FILIP1L: variants seen among roughly 807,000 people sequenced by gnomAD.
FILIP1L encodes the protein filamin A-interacting protein 1-like.
Under a neutral mutation model 96.6 loss-of-function variants are expected in FILIP1L, and 55 were observed. That is an observed-to-expected ratio of 0.57 (90% CI 0.46 to 0.71). FILIP1L has a LOEUF of 0.71. Among genes scored for constraint, FILIP1L ranks in the 30% least tolerant of loss-of-function variants. The pLI, the probability that FILIP1L is intolerant of heterozygous loss-of-function variation, is 0.00. For missense variants in FILIP1L, 1,304 were observed against 1,321.2 expected (o/e 0.99, Z 0.20); for synonymous variants, 467 against 473.9 (o/e 0.99, Z 0.19).
intron 1 of FILIP1L, among the ~76,000 whole-genome samples, chr3:99,994,513 A>C (rs544982886): frequency 6.6e-6 from 1 of 152,352 alleles, no homozygotes; most frequent in South Asian, 2.1e-4. Flanking sequence ...AATTTTTAAA[A>C]ATCAAAATCA....
chr3:99,954,357 T>C (rs1708259962), intron 1 of FILIP1L, among the ~76,000 whole-genome samples: 1 of 152,200 alleles, frequency 6.6e-6, no homozygotes, highest in African/African-American at 2.4e-5. Flanking sequence ...GTATCTCACA[T>C]AATAATCCAG....
chr3:99,855,813 G>C (rs2107541164), intron 4 of FILIP1L, among the ~76,000 whole-genome samples: 1 of 152,282 alleles, frequency 6.6e-6, no homozygotes, highest in South Asian at 2.1e-4. Context: ...CTGGCATCTA[G>C]ATTCTTTCAT....
intron 1 of FILIP1L, among the ~76,000 whole-genome samples, chr3:99,943,994 T>C (rs1401050392): frequency 6.6e-6 from 1 of 152,178 alleles, no homozygotes; most frequent in African/African-American, 2.4e-5. Flanking sequence ...TAGGAACTCA[T>C]AGCTTATCCT....
At chr3:100,021,815 A>T (rs2064822522) in intron 1 of FILIP1L, among the ~76,000 whole-genome samples, 1 of 152,134 alleles carries the variant, frequency 6.6e-6, no homozygotes, top group Non-Finnish European at 1.5e-5. Context: ...ATGATTAAAG[A>T]ATAGATTATA....
chr3:100,054,579 T>C (rs751484725), intron 1 of FILIP1L, among the ~76,000 whole-genome samples: 8 of 152,090 alleles, frequency 5.3e-5, no homozygotes, highest in Non-Finnish European at 1.0e-4. Flanking sequence ...CCTGTTGGCA[T>C]TTGAACTATC....
At chr3:99,903,371 C>A in intron 4 of FILIP1L, among the ~76,000 whole-genome samples, 1 of 152,008 alleles carries the variant, frequency 6.6e-6, no homozygotes, top group Non-Finnish European at 1.5e-5. Flanking sequence ...CCTGCCTCAG[C>A]CTCCTGAGTA....
At chr3:100,061,690 T>TCATTTAACC (rs1322232200) in intron 1 of FILIP1L, among the ~76,000 whole-genome samples, 1 of 152,232 alleles carries the variant, frequency 6.6e-6, no homozygotes, top group Non-Finnish European at 1.5e-5. Flanking sequence ...TTCATTTAAT[T>TCATTTAACC]CATTTAACCC....
At chr3:99,997,658 A>G (rs1378909221) in intron 1 of FILIP1L, among the ~76,000 whole-genome samples, 3 of 152,242 alleles carry the variant, frequency 2.0e-5, no homozygotes, top group African/African-American at 7.2e-5. Context: ...AGAATATTTC[A>G]GTGATCCTTA....
Position 99,850,129 on chromosome 3 carries a change from T to C in FILIP1L, c.1547A>G (p.Asp516Gly), listed in dbSNP as rs1465192027. The C allele has an allele frequency of 6.2e-7, 1 of 1,612,038 alleles. No homozygotes were observed. Among genetic ancestry groups the C allele is most frequent in the African/African-American group, 1.3e-5 (1 of 74,772 alleles). ...TMSEKLKKTE[D>G]KLQAASSQLQ... ...CTGAGAAGAAGCAGCTTGTAATTTA[T>C]CTTCAGTTTTCTTTAATTTTTCACT... Residue 516 changes from aspartate (D) to glycine (G), a missense_variant, in exon 5 of 6, where the codon GAT becomes GGT. Coordinates refer to ENST00000477258, the MANE Select transcript of FILIP1L (RefSeq NM_001387850.1).
intron 1 of FILIP1L, among the ~76,000 whole-genome samples, chr3:100,026,671 C>A (rs756599651): frequency 6.6e-6 from 1 of 152,124 alleles, no homozygotes; most frequent in Non-Finnish European, 1.5e-5. Flanking sequence ...ATCAGGAAAT[C>A]CTGTTGGCTC....
chr3:100,084,680 C>T (rs890772019), intron 1 of FILIP1L, among the ~76,000 whole-genome samples: 2 of 152,140 alleles, frequency 1.3e-5, no homozygotes, highest in African/African-American at 4.8e-5. Flanking sequence ...TTGTCACTTA[C>T]GTATAAACAT....
chr3:99,968,669 A>C (rs1559707622), intron 1 of FILIP1L, among the ~76,000 whole-genome samples: 1 of 152,220 alleles, frequency 6.6e-6, no homozygotes, highest in African/African-American at 2.4e-5. Flanking sequence ...AGAAGCAAAC[A>C]AAAGACAAGG....
chr3:99,918,109 C>G (rs1278965272), intron 4 of FILIP1L, among the ~76,000 whole-genome samples: 2 of 152,094 alleles, frequency 1.3e-5, no homozygotes, highest in African/African-American at 4.8e-5. Flanking sequence ...TCCTGAGTAG[C>G]TGGGATTACA....
chr3:99,897,030 C>G (rs1041023309), intron 4 of FILIP1L, among the ~76,000 whole-genome samples: 6 of 151,426 alleles, frequency 4.0e-5, no homozygotes, highest in African/African-American at 1.5e-4. Flanking sequence ...ATTTTTTTTT[C>G]TTTCTTTGCA....
chr3:99,966,558 T>C (rs1362331209), intron 1 of FILIP1L, among the ~76,000 whole-genome samples: 1 of 152,220 alleles, frequency 6.6e-6, no homozygotes, highest in Admixed American at 6.5e-5. Flanking sequence ...ATTAACTTTA[T>C]AAACATTCAA....
At chr3:99,901,585 G>A (rs1706438121) in intron 4 of FILIP1L, among the ~76,000 whole-genome samples, 1 of 152,196 alleles carries the variant, frequency 6.6e-6, no homozygotes, top group South Asian at 2.1e-4. Flanking sequence ...GATTTGTGCT[G>A]ACAATAATAT....
intron 1 of FILIP1L, among the ~76,000 whole-genome samples, chr3:99,935,630 A>T (rs1227668003): frequency 3.3e-5 from 5 of 152,208 alleles, no homozygotes; most frequent in Non-Finnish European, 5.9e-5. Context: ...TCACCCCCTG[A>T]TGGATCCCGT....
intron 4 of FILIP1L, among the ~76,000 whole-genome samples, chr3:99,911,822 AT>A: frequency 6.6e-6 from 1 of 152,138 alleles, no homozygotes; most frequent in South Asian, 2.1e-4. Flanking sequence ...TGTCTTCTTC[AT>A]TATTTTTTTT....
At chr3:100,080,438 G>C (rs994985175) in intron 1 of FILIP1L, among the ~76,000 whole-genome samples, 22 of 152,140 alleles carry the variant, frequency 1.4e-4, no homozygotes, top group African/African-American at 5.3e-4. Flanking sequence ...ATGTTAAAAT[G>C]TAGATTTTGG....
Sources: allele counts gnomAD v4.1 joint callset (sites outside exome capture counted in the v4.1 genomes callset), GRCh38; gene constraint gnomAD v4.1.1; transcripts MANE v1.5; gene names NCBI Gene and HGNC (gene_info 2026-07-23, HGNC 2026-07-21).